HPF1: variants seen among roughly 807,000 people sequenced by gnomAD.
HPF1 encodes UPF0609 protein C4orf27.
Under a neutral mutation model 38.8 loss-of-function variants are expected in HPF1, and 35 were observed. That is an observed-to-expected ratio of 0.90 (90% CI 0.69 to 1.19). The LOEUF is 1.19. Among genes scored for constraint, HPF1 ranks in the 50% most tolerant of loss-of-function variants. HPF1 has a pLI of 0.00. For missense variants in HPF1, 367 were observed against 405.8 expected, an observed-to-expected ratio of 0.90 and a Z score of 0.82; for synonymous variants, 115 against 139.2, an observed-to-expected ratio of 0.83 and a Z score of 1.22.
chr4:169,730,891 G>A (rs1442357604), intron 7 of HPF1, among the ~76,000 whole-genome samples: 1 of 152,194 alleles, frequency 6.6e-6, no homozygotes, highest in African/African-American at 2.4e-5. Flanking sequence ...ACTGATTCTG[G>A]AGCCAGACTG....
intron 5 of HPF1, among the ~76,000 whole-genome samples, chr4:169,740,743 G>A (rs1733958307): frequency 6.6e-6 from 1 of 152,106 alleles, no homozygotes; most frequent in Non-Finnish European, 1.5e-5. Flanking sequence ...TAGGGGAGGG[G>A]TCTAGGACAA....
chr4:169,745,191 G>A (rs976226977), intron 4 of HPF1, among the ~76,000 whole-genome samples: 20 of 152,228 alleles, frequency 1.3e-4, no homozygotes, highest in African/African-American at 3.6e-4. Flanking sequence ...TGTGACCCTT[G>A]AAGTCGGAAG....
chr4:169,730,032 C>T (rs1733809644), intron 7 of HPF1, among the ~76,000 whole-genome samples: 1 of 152,204 alleles, frequency 6.6e-6, no homozygotes, highest in Non-Finnish European at 1.5e-5. Flanking sequence ...CCAGTGTATT[C>T]CCAGGCAAAA....
intron 1 of HPF1, among the ~76,000 whole-genome samples, chr4:169,757,405 C>G (rs897624394): frequency 1.8e-4 from 28 of 152,120 alleles, no homozygotes. Context: ...GCGTTATAAT[C>G]CCAAACAAAA....
chr4:169,757,322 A>G (rs375154978), intron 1 of HPF1, among the ~76,000 whole-genome samples: 10 of 152,182 alleles, frequency 6.6e-5, no homozygotes, highest in Non-Finnish European at 1.5e-4. Flanking sequence ...AGTTGTCTTA[A>G]AAGTCTTCTT....
chr4:169,737,817 T>G, intron 5 of HPF1, 70 bp from the exon 6 acceptor site: 1 of 945,594 alleles, frequency 1.1e-6, no homozygotes, highest in Non-Finnish European at 1.7e-6. Context: ...CCCAAATACA[T>G]AAACCCTCAA....
At chr4:169,736,373 A>AGT (rs1272943463) in intron 6 of HPF1, among the ~76,000 whole-genome samples, 2 of 146,886 alleles carry the variant, frequency 1.4e-5, no homozygotes, top group Admixed American at 1.3e-4. Flanking sequence ...AAAAAAAAAA[A>AGT]AAAGAAGTAA....
At chr4:169,730,348 T>C (rs1052557276) in intron 7 of HPF1, among the ~76,000 whole-genome samples, 1 of 152,254 alleles carries the variant, frequency 6.6e-6, no homozygotes. Flanking sequence ...TGCTATTCAC[T>C]GGTTCACATC....
At chr4:169,751,635 A>G (rs1734120916) in intron 2 of HPF1, among the ~76,000 whole-genome samples, 1 of 152,100 alleles carries the variant, frequency 6.6e-6, no homozygotes, top group African/African-American at 2.4e-5. Context: ...CCTTACTTCT[A>G]AGATGGAGGG....
intron 4 of HPF1, among the ~76,000 whole-genome samples, chr4:169,744,141 C>T (rs564689122): frequency 1.3e-5 from 2 of 152,320 alleles, no homozygotes; most frequent in South Asian, 4.2e-4. Flanking sequence ...TCGATCTTTA[C>T]AGTCTTCCTC....
At chr4:169,751,531 T>G (rs1459765237) in intron 2 of HPF1, among the ~76,000 whole-genome samples, 1 of 152,180 alleles carries the variant, frequency 6.6e-6, no homozygotes, top group Non-Finnish European at 1.5e-5. Context: ...GACTCCATCT[T>G]CCTTCTCTAT....
chr4:169,754,234 C>A (rs930963811), intron 1 of HPF1, among the ~76,000 whole-genome samples: 2 of 152,116 alleles, frequency 1.3e-5, no homozygotes, highest in African/African-American at 4.8e-5. Flanking sequence ...TGGATATAAG[C>A]AATTCATCAG....
intron 1 of HPF1, among the ~76,000 whole-genome samples, chr4:169,754,642 A>G (rs549479978): frequency 9.9e-5 from 15 of 152,020 alleles, no homozygotes; most frequent in South Asian, 6.2e-4. Context: ...ATGAACCTAG[A>G]TTCTTTCTTT....
chr4:169,742,197 A>C, intron 4 of HPF1, 90 bp from the exon 5 acceptor site: 2 of 1,008,940 alleles, frequency 2.0e-6, no homozygotes, highest in Non-Finnish European at 2.9e-6. Context: ...AAAAATGTCA[A>C]ATTCCATACA....
intron 4 of HPF1, among the ~76,000 whole-genome samples, chr4:169,743,412 T>C (rs1734005153): frequency 1.1e-5 from 1 of 91,598 alleles, no homozygotes; most frequent in Non-Finnish European, 2.2e-5. Context: ...CCCTGGCCTT[T>C]TTTTTTTTTT....
chr4:169,753,903 C>T (rs943576658), intron 1 of HPF1, 68 bp from the exon 2 acceptor site: 5 of 1,180,826 alleles, frequency 4.2e-6, no homozygotes, highest in Middle Eastern at 4.0e-4. Context: ...CAGTATCTAT[C>T]ACTCTTGTTC....
intron 2 of HPF1, among the ~76,000 whole-genome samples, chr4:169,752,527 A>G (rs1166556318): frequency 6.6e-6 from 1 of 152,210 alleles, no homozygotes; most frequent in Non-Finnish European, 1.5e-5. Context: ...CAGAGACAAA[A>G]TAAGCACACA....
intron 6 of HPF1, among the ~76,000 whole-genome samples, chr4:169,736,622 A>C (rs1344232167): frequency 6.6e-6 from 1 of 152,210 alleles, no homozygotes; most frequent in East Asian, 1.9e-4. Flanking sequence ...TTAAATGCAG[A>C]TGTCCAGGTC....
chr4:169,736,968 G>C (rs1733904168), intron 6 of HPF1, among the ~76,000 whole-genome samples: 1 of 152,150 alleles, frequency 6.6e-6, no homozygotes, highest in African/African-American at 2.4e-5. Flanking sequence ...GCTTCTGAAA[G>C]CTAAATCATT....
Sources: gnomAD v4.1 joint callset for allele counts (sites outside exome capture counted in the v4.1 genomes callset) on GRCh38, gnomAD v4.1.1 for gene constraint, MANE v1.5 for transcripts, NCBI Gene and HGNC (gene_info 2026-07-23, HGNC 2026-07-21) for gene names.